CAPN14: variants seen among roughly 807,000 people sequenced by gnomAD.
CAPN14 encodes calpain-14.
A neutral mutation model predicts 101.3 loss-of-function variants in CAPN14; 94 were observed. The observed-to-expected ratio is 0.93, with a 90% confidence interval of 0.79 to 1.10. The LOEUF is 1.10. CAPN14 is among the 50% of genes least tolerant of loss of function. CAPN14 has a pLI of 0.00. For synonymous variants in CAPN14, 338 were observed against 317.9 expected (o/e 1.06, Z -0.67); for missense variants, 837 against 828.4 (o/e 1.01, Z -0.13).
intron 18 of CAPN14, among the ~76,000 whole-genome samples, chr2:31,178,177 G>A (rs891637290): frequency 3.9e-5 from 6 of 152,206 alleles, no homozygotes; most frequent in Admixed American, 1.3e-4. Context: ...GCAATGATTG[G>A]AAGAGCAAGA....
intron 2 of CAPN14, among the ~76,000 whole-genome samples, chr2:31,225,820 G>A (rs13423321): frequency 0.13 from 20,028 of 151,778 alleles, 1,593 homozygotes; most frequent in African/African-American, 0.21. Context: ...AGAAAAGATT[G>A]AAGCAAAATT....
At chr2:31,202,089 T>C in intron 4 of CAPN14, 45 bp downstream of exon 4, 1 of 1,550,388 alleles carries the variant, frequency 6.4e-7, no homozygotes, top group Non-Finnish European at 8.7e-7. Context: ...AGGAACCCTT[T>C]TTCCTATGAC....
At chr2:31,179,989 G>A (rs1680507280) in intron 17 of CAPN14, among the ~76,000 whole-genome samples, 1 of 152,146 alleles carries the variant, frequency 6.6e-6, no homozygotes, top group Admixed American at 6.5e-5. Flanking sequence ...GAAGGAGTCA[G>A]GCACACAGTG....
intron 8 of CAPN14, among the ~76,000 whole-genome samples, 189 bp from the exon 9 acceptor site, chr2:31,194,672 C>G (rs1681378532): frequency 6.6e-6 from 1 of 152,144 alleles, no homozygotes; most frequent in African/African-American, 2.4e-5. Context: ...GGGCTAGATT[C>G]TTGACATACA....
At chr2:31,222,242 T>C (rs1374605395), upstream of CAPN14, among the ~76,000 whole-genome samples, 4 of 152,200 alleles carry the variant, frequency 2.6e-5, no homozygotes, top group African/African-American at 9.6e-5. Context: ...AAAAGCATGA[T>C]ATCTAGTAAG....
At chr2:31,193,374 G>T (rs1454233855) in intron 9 of CAPN14, 80 bp from the exon 10 acceptor site, 1 of 1,376,992 alleles carries the variant, frequency 7.3e-7, no homozygotes. Flanking sequence ...AGGGTGAAAC[G>T]GAGCAGTGGG....
At chr2:31,192,317 C>T (rs1572406031) in intron 10 of CAPN14, among the ~76,000 whole-genome samples, 1 of 152,142 alleles carries the variant, frequency 6.6e-6, no homozygotes, top group East Asian at 1.9e-4. Flanking sequence ...TGGAGTTGTT[C>T]CCACCACTGT....
chr2:31,183,384 T>A (rs1031593976), intron 16 of CAPN14, among the ~76,000 whole-genome samples: 2 of 152,122 alleles, frequency 1.3e-5, no homozygotes, highest in African/African-American at 2.4e-5. Context: ...GAAACTGCCA[T>A]CAGAGTGAAC....
At chr2:31,216,981 G>A (rs1003971350) in intron 1 of CAPN14, among the ~76,000 whole-genome samples, 4 of 152,162 alleles carry the variant, frequency 2.6e-5, no homozygotes, top group Non-Finnish European at 5.9e-5. Context: ...TCAGAACAGA[G>A]AACAGTCGGC....
intron 8 of CAPN14, among the ~76,000 whole-genome samples, chr2:31,196,309 G>A (rs987704272): frequency 1.3e-5 from 2 of 152,156 alleles, no homozygotes; most frequent in African/African-American, 4.8e-5. Flanking sequence ...TCTAATGTTA[G>A]TGCTTGTTCC....
intron 19 of CAPN14, 32 bp from the exon 20 acceptor site, chr2:31,177,174 T>C (rs1314922438): frequency 6.8e-6 from 10 of 1,472,140 alleles, no homozygotes; most frequent in African/African-American, 1.4e-5. Context: ...GCTGTGGGTA[T>C]TGGGGGCTTG....
In CAPN14 at chr2:31,193,269, G is replaced by C. The variant is rs372898726; in HGVS notation, c.976C>G (p.His326Asp). 1.0e-5 allele frequency: 16 copies of C among 1,551,774 alleles called. No individual in the cohort carries two copies. In the African/African-American group the frequency reaches 1.1e-4, roughly 11 times the overall value. Residue 326 changes from histidine to aspartate, a missense_variant, in exon 10 of 22, where the codon CAT becomes GAT. Coordinates refer to ENST00000403897, the MANE Select transcript of CAPN14 (RefSeq NM_001145122.2). ...FWMTLQDFKT[H>D]FVLLVICKLT... ...TTACAGATAACCAGGAGCACGAAAT[G>C]TGTTTTAAAGTCCTGCAGCGTCATC...
intron 16 of CAPN14, 78 bp from the exon 17 acceptor site, chr2:31,181,078 G>A (rs548562879): frequency 3.4e-6 from 4 of 1,184,308 alleles, no homozygotes; most frequent in East Asian, 5.1e-5. Flanking sequence ...AAGAGGCAGT[G>A]CTGCATGGGC....
chr2:31,191,871 C>T, intron 11 of CAPN14, 64 bp downstream of exon 11: 1 of 1,395,482 alleles, frequency 7.2e-7, no homozygotes, highest in Non-Finnish European at 9.6e-7. Flanking sequence ...AACAGGAAGA[C>T]ATGGTAACTG....
intron 12 of CAPN14, among the ~76,000 whole-genome samples, chr2:31,190,393 T>A (rs1431626935): frequency 5.9e-5 from 9 of 152,218 alleles, no homozygotes; most frequent in East Asian, 3.8e-4. Context: ...GCATTTTTTT[T>A]ATAAGACAAT....
chr2:31,203,883 T>C (rs1224704602), intron 2 of CAPN14, among the ~76,000 whole-genome samples: 2 of 152,208 alleles, frequency 1.3e-5, no homozygotes, highest in African/African-American at 4.8e-5. Context: ...ATCTTGTAGG[T>C]AAATCAAGTT....
intron 1 of CAPN14, among the ~76,000 whole-genome samples, chr2:31,208,564 CAT>C (rs1049547312): frequency 6.6e-6 from 1 of 152,210 alleles, no homozygotes; most frequent in African/African-American, 2.4e-5. Flanking sequence ...AATGAGGCCA[CAT>C]GTGTGCGTGC....
At chr2:31,214,545 G>T (rs1022810465) in intron 1 of CAPN14, among the ~76,000 whole-genome samples, 2 of 152,142 alleles carry the variant, frequency 1.3e-5, no homozygotes, top group South Asian at 2.1e-4. Context: ...GGGAGAAGGT[G>T]GGGGAGAAGC....
chr2:31,211,807 A>G (rs1682415192), intron 1 of CAPN14, among the ~76,000 whole-genome samples: 1 of 152,148 alleles, frequency 6.6e-6, no homozygotes, highest in African/African-American at 2.4e-5. Context: ...GGACTCCTCG[A>G]TTAGTATGTA....
Sources: allele counts gnomAD v4.1 joint callset (sites outside exome capture counted in the v4.1 genomes callset), GRCh38; gene constraint gnomAD v4.1.1; transcripts MANE v1.5; gene names NCBI Gene and HGNC (gene_info 2026-07-23, HGNC 2026-07-21).